DNAH1: variants seen among roughly 807,000 people sequenced by gnomAD.
DNAH1 encodes axonemal beta dynein heavy chain 1.
A neutral mutation model predicts 484.3 loss-of-function variants in DNAH1; 327 were observed. That is an observed-to-expected ratio of 0.68 (90% CI 0.62 to 0.74). The LOEUF is 0.74. Ranked by LOEUF, DNAH1 falls within the 30% of genes least tolerant of loss-of-function variation. The pLI, the probability that DNAH1 is intolerant of heterozygous loss-of-function variation, is 0.00. For missense variants in DNAH1, 5,052 were observed against 5,546.8 expected (o/e 0.91, Z 2.83); for synonymous variants, 2,192 against 2,191.9 (o/e 1.00, Z 0.00).
chr3:52,342,777 G>C (rs748819371), intron 8 of DNAH1, among the ~76,000 whole-genome samples: 5 of 152,236 alleles, frequency 3.3e-5, no homozygotes, highest in Admixed American at 6.5e-5. Flanking sequence ...GGGATGGAGA[G>C]AAATGAAGAG....
At chr3:52,360,190 C>T (rs1311282953) in intron 27 of DNAH1, 111 bp downstream of exon 27, 2 of 1,537,658 alleles carry the variant, frequency 1.3e-6, no homozygotes, top group African/African-American at 1.4e-5. Flanking sequence ...GGTTCTGGGA[C>T]AAGCTGGGTA....
rs1327304904 is a variant in DNAH1, at chr3:52,364,113, T to TGG, written c.5245-524_5245-523dup. On this transcript the variant is annotated intron_variant, in intron 32 of 77. Transcript: ENST00000420323. The surrounding 1 kb of genome is among the most constrained non-coding windows in gnomAD (Gnocchi z 4.2). ...TGCTAGTCTATGGGTTGGGTCTAGATGGAGTCCTCTTGGTTGGGCACCATG... is the reference window on the plus strand; with the variant it reads ...TGCTAGTCTATGGGTTGGGTCTAGATGGGGAGTCCTCTTGGTTGGGCACCATG... 5.3e-5 allele frequency among the ~76,000 whole-genome samples: 8 copies of TGG among 152,228 alleles called. No homozygotes were observed. Among genetic ancestry groups the TGG allele is most frequent in the Non-Finnish European group, 1.0e-4 (7 of 68,042 alleles).
chr3:52,380,051 C>T lies in DNAH1; in HGVS notation c.7524C>T (p.Cys2508=). The T allele has an allele frequency of 6.2e-7, 1 of 1,602,846 alleles. No individual in the cohort carries two copies. Among genetic ancestry groups the T allele is most frequent in the Admixed American group, 1.7e-5 (1 of 58,564 alleles). Residue 2508 remains cysteine (C), a synonymous_variant, in exon 48 of 78, where the codon TGC becomes TGT. Transcript: ENST00000420323. ...EQWEVTFNKV[C]PFQPILYGDF... The stretch of plus-strand genomic sequence containing the variant: ...GGGAGGTGACCTTCAACAAGGTCTG[C>T]CCCTTCCAGCCCATTCTTTACGGGG...
chr3:52,351,464 C>T (rs780919107), intron 16 of DNAH1, among the ~76,000 whole-genome samples: 1 of 152,226 alleles, frequency 6.6e-6, no homozygotes, highest in Non-Finnish European at 1.5e-5. Context: ...AGGGGGAACT[C>T]CCCCACGACC....
intron 1 of DNAH1, among the ~76,000 whole-genome samples, chr3:52,320,986 G>C (rs1446749185): frequency 6.6e-6 from 1 of 151,428 alleles, no homozygotes; most frequent in African/African-American, 2.4e-5. Context: ...TTTTAGTAGA[G>C]ATGGGGTTTT....
Position 52,358,853 on chromosome 3 carries a change from G to C in DNAH1, c.4266+116G>C. The C allele has an allele frequency of 8.1e-7, 1 of 1,234,294 alleles. No individual in the cohort carries two copies. Among genetic ancestry groups the C allele is most frequent in the South Asian group, 1.4e-5 (1 of 73,206 alleles). The allele number at this position is 1,234,294 out of a possible 1,614,324, so 76.5% of individuals were successfully genotyped here. ...GGCTGCAGCCCTGAGGTCCCTGGGGGCTCAGGCGGGATTCTGGAGTCTTTC... is the reference window on the plus strand; with the variant it reads ...GGCTGCAGCCCTGAGGTCCCTGGGGCCTCAGGCGGGATTCTGGAGTCTTTC... On this transcript the variant is annotated intron_variant, in intron 25 of 77. Coordinates refer to ENST00000420323, the MANE Select transcript of DNAH1 (RefSeq NM_015512.5). This position sits in a 1 kb window ranked among gnomAD's most constrained non-coding sequence, Gnocchi z 4.2.
chr3:52,313,707 C>T (rs1700864554), upstream of DNAH1, among the ~76,000 whole-genome samples: 1 of 152,180 alleles, frequency 6.6e-6, no homozygotes. Flanking sequence ...TGGAACAAAC[C>T]CTTCCTTACT....
chr3:52,335,486 C>T (rs6779962), intron 8 of DNAH1, among the ~76,000 whole-genome samples: 148,042 of 148,692 alleles, frequency 1, 73,700 homozygotes, highest in Non-Finnish European at 1. Flanking sequence ...TTTTGTATTT[C>T]TTAGTAGAGA....
At chr3:52,320,176 A>G (rs537310074) in intron 1 of DNAH1, among the ~76,000 whole-genome samples, 3 of 152,220 alleles carry the variant, frequency 2.0e-5, no homozygotes, top group Admixed American at 2.0e-4. Flanking sequence ...TTGTTCAAAG[A>G]TGAAACAGTC....
At chr3:52,339,403 C>T (rs1204316819) in intron 8 of DNAH1, among the ~76,000 whole-genome samples, 1 of 151,838 alleles carries the variant, frequency 6.6e-6, no homozygotes, top group Non-Finnish European at 1.5e-5. Context: ...CCATTTTTTC[C>T]TTGAGCTTAA....
rs1337913293 is a variant in DNAH1 at position 52,395,004 on chromosome 3, A to G, written c.10913A>G (p.Asn3638Ser). ...LRCLRGDKVT[N>S]AMQDFVATNL... The stretch of plus-strand genomic sequence containing the variant: ...TGCCTGCGTGGGGACAAGGTTACCA[A>G]CGCCATGCAGGACTTTGTGGCCACC... The change falls in exon 68 of 78, where the codon AAC becomes AGC. Residue 3638 changes from asparagine (N) to serine (S), a missense_variant. Coordinates refer to ENST00000420323, the MANE Select transcript of DNAH1 (RefSeq NM_015512.5). The surrounding 1 kb of genome is among the most constrained non-coding windows in gnomAD (Gnocchi z 4.4). The G allele has an allele frequency of 6.2e-7, 1 of 1,612,106 alleles. No homozygotes were observed. Among genetic ancestry groups the G allele is most frequent in the Non-Finnish European group, 8.5e-7 (1 of 1,179,140 alleles).
chr3:52,342,408 TC>T (rs1701972653), intron 8 of DNAH1, among the ~76,000 whole-genome samples: 2 of 152,078 alleles, frequency 1.3e-5, no homozygotes, highest in Admixed American at 1.3e-4. Flanking sequence ...AGCAGGGAGA[TC>T]AATGAGGAGA....
chr3:52,390,994 C>G lies in DNAH1; in HGVS notation c.9681C>G (p.Ser3227=). 2 of 1,553,882 alleles carry G rather than the reference C, an allele frequency of 1.3e-6. No individual in the cohort carries two copies. Among genetic ancestry groups the G allele is most frequent in the Non-Finnish European group, 1.7e-6 (2 of 1,148,272 alleles). Residue 3227 remains serine, a synonymous_variant, in exon 61 of 78, where the codon TCC becomes TCG. Transcript: ENST00000420323. ...SVENGVINQF[S]QRWTHFIDPQ... ...AGAACGGGGTCATCAACCAGTTTTC[C>G]CAGCGCTGGACCCACTTCATTGACC...
intron 4 of DNAH1, 117 bp from the exon 5 acceptor site, chr3:52,326,618 A>C (rs1466705109): frequency 1.5e-6 from 2 of 1,297,338 alleles, no homozygotes; most frequent in Middle Eastern, 5.1e-4. Context: ...GGAGGGCTCC[A>C]GAGGGGTCTC....
chr3:52,350,858 T>C (rs1702346413), intron 16 of DNAH1, among the ~76,000 whole-genome samples: 1 of 152,226 alleles, frequency 6.6e-6, no homozygotes, highest in Non-Finnish European at 1.5e-5. Flanking sequence ...GTTTTGCTTG[T>C]TGTTTTTTGA....
rs554673053 is a variant in DNAH1 at position 52,371,798 on chromosome 3, T to C, written c.6526-148T>C. On this transcript the variant is annotated intron_variant, in intron 41 of 77. Coordinates refer to ENST00000420323, the MANE Select transcript of DNAH1 (RefSeq NM_015512.5). ...GAAAGCAGGGCACAGGACTTTCCATTTCCGCCGGAAGCAGCCCTGCACCTG... is the reference window on the plus strand; with the variant it reads ...GAAAGCAGGGCACAGGACTTTCCATCTCCGCCGGAAGCAGCCCTGCACCTG... 5.9e-6 allele frequency: 7 copies of C among 1,190,726 alleles called. No individual in the cohort carries two copies. In the South Asian group the frequency reaches 1.0e-4, roughly 18 times the overall value. The allele number at this position is 1,190,726 out of a possible 1,614,324, so 73.8% of individuals were successfully genotyped here. A position where few individuals can be genotyped will look rare whatever the true frequency, so the allele number is the denominator to read the frequency against.
chr3:52,387,209 T>A (rs540383874), intron 56 of DNAH1, among the ~76,000 whole-genome samples: 2 of 152,320 alleles, frequency 1.3e-5, no homozygotes, highest in East Asian at 3.9e-4. Flanking sequence ...TGCCCTTTCA[T>A]CCCAGAAACC....
In DNAH1 at chr3:52,362,362, G is replaced by C. The variant is rs376876419; in HGVS notation, c.4981-26G>C. On this transcript the variant is annotated intron_variant, in intron 30 of 77. Coordinates refer to ENST00000420323, the MANE Select transcript of DNAH1 (RefSeq NM_015512.5). The surrounding 1 kb of genome is among the most constrained non-coding windows in gnomAD (Gnocchi z 5.1). ...GACAAGGCTGGGCACCCTAGTCCCA[G>C]GCAAGTCAGCCTCTCCCCACTGCAG... 1 of 1,603,168 alleles carries C rather than the reference G, an allele frequency of 6.2e-7. No individual in the cohort carries two copies. The highest frequency in any genetic ancestry group is 8.5e-7 in the Non-Finnish European group (1 of 1,173,714).
intron 22 of DNAH1, 21 bp from the exon 23 acceptor site, chr3:52,357,593 T>C: frequency 2.5e-6 from 4 of 1,593,280 alleles, no homozygotes; most frequent in Non-Finnish European, 3.4e-6. Flanking sequence ...CCCATTTCTG[T>C]GCATGGCCCG....
Sources: gnomAD v4.1 joint callset for allele counts (sites outside exome capture counted in the v4.1 genomes callset) on GRCh38, gnomAD v4.1.1 for gene constraint, Gnocchi (gnomAD v3.1) non-coding constraint, MANE v1.5 for transcripts, NCBI Gene and HGNC (gene_info 2026-07-23, HGNC 2026-07-21) for gene names.